NUP93: variants seen among roughly 807,000 people sequenced by gnomAD.
NUP93 encodes the protein nuclear pore complex protein Nup93.
NUP93 carries 55 observed loss-of-function variants against 107.8 expected under a neutral mutation model. The ratio of observed to expected loss-of-function variants is 0.51; its 90% CI spans 0.41 to 0.64. NUP93 has a LOEUF of 0.64. Ranked by LOEUF, NUP93 falls within the 30% of genes least tolerant of loss-of-function variation. NUP93 has a pLI of 0.00. For missense variants in NUP93, 937 were observed against 1,044.7 expected (o/e 0.90, Z 1.42); for synonymous variants, 390 against 397.5 (o/e 0.98, Z 0.22).
intron 4 of NUP93, among the ~76,000 whole-genome samples, chr16:56,802,956 T>C (rs181258604): frequency 6.6e-6 from 1 of 152,294 alleles, no homozygotes; most frequent in East Asian, 1.9e-4. Flanking sequence ...ATCTTCCTTC[T>C]TCCCTCTCCC....
In NUP93 at chr16:56,818,695, G is replaced by A. The variant is rs1346927535; in HGVS notation, c.521G>A (p.Gly174Asp). Residue 174 changes from glycine to aspartate, a missense_variant, in exon 6 of 22, where the codon GGT becomes GAT. Transcript: ENST00000308159. ...TACATCAGTGATGTGGGACCCCCTG[G>A]TCGAAGCTCTCTGGATAACATCGAG... is the stretch of plus-strand genomic sequence containing the variant. ...PSYISDVGPP[G>D]RSSLDNIEMA... 1 of 1,614,156 alleles carries A rather than the reference G, an allele frequency of 6.2e-7. No homozygotes were observed. Among genetic ancestry groups the A allele is most frequent in the South Asian group, 1.1e-5 (1 of 91,084 alleles).
chr16:56,834,391 A>G lies in NUP93; in HGVS notation c.1686A>G (p.Gly562=). The change falls in exon 15 of 22, where the codon GGA becomes GGG. Residue 562 remains glycine (G), a synonymous_variant. Coordinates refer to ENST00000308159, the MANE Select transcript of NUP93 (RefSeq NM_014669.5). ...YFLRDEKDSQ[G]ENMFLRCVSE... ...ACAGGGATGAGAAAGATAGTCAAGG[A>G]GAAAACATGTTTCTGCGCTGTGTGA... The G allele has an allele frequency of 6.2e-7, 1 of 1,614,250 alleles. No homozygotes were observed. Among genetic ancestry groups the G allele is most frequent in the South Asian group, 1.1e-5 (1 of 91,088 alleles).
chr16:56,822,115 A>G (rs1032694674), intron 7 of NUP93, among the ~76,000 whole-genome samples: 2 of 150,942 alleles, frequency 1.3e-5, no homozygotes, highest in East Asian at 1.9e-4. Flanking sequence ...AAAAAAAAAA[A>G]AGGGGGATGG....
At chr16:56,744,296 C>G (rs191947235) in intron 1 of NUP93, among the ~76,000 whole-genome samples, 6 of 152,234 alleles carry the variant, frequency 3.9e-5, no homozygotes, top group Admixed American at 3.9e-4. Context: ...TTTTTAGTCT[C>G]TTGGGTCAAA....
Position 56,823,752 on chromosome 16 carries a change from T to G in NUP93, c.700T>G (p.Leu234Val), listed in dbSNP as rs547795592. Reference sequence around the variant, plus strand: ...CATGGTAAAACAAATGACAGACGTGTTGTTGACACCGGCAACGGATGCCCT... The same window carrying G: ...CATGGTAAAACAAATGACAGACGTGGTGTTGACACCGGCAACGGATGCCCT... ...WTMVKQMTDVLLTPATDALKN... is the reference protein window; with the variant it reads ...WTMVKQMTDVVLTPATDALKN... The change falls in exon 8 of 22, where the codon TTG becomes GTG. Residue 234 changes from leucine (L) to valine (V), a missense_variant. Leu to Val is a conservative substitution (Grantham distance 32). Coordinates refer to ENST00000308159, the MANE Select transcript of NUP93 (RefSeq NM_014669.5). The G allele has an allele frequency of 2.8e-5, 46 of 1,614,206 alleles. No individual in the cohort carries two copies. In the South Asian group the frequency reaches 4.6e-4, roughly 16 times the overall value.
At chr16:56,762,169 T>C (rs79835192) in intron 3 of NUP93, among the ~76,000 whole-genome samples, 1,945 of 152,278 alleles carry the variant, frequency 0.013, 38 homozygotes, top group African/African-American at 0.045. Context: ...CTTCTGTCTT[T>C]GGAGAAAAAA....
intron 3 of NUP93, among the ~76,000 whole-genome samples, chr16:56,766,471 G>T (rs555913995): frequency 6.6e-6 from 1 of 152,172 alleles, no homozygotes; most frequent in Non-Finnish European, 1.5e-5. Context: ...TAAATTGCTC[G>T]GTTGCAGGAA....
At chr16:56,788,751 G>T (rs1015997220) in intron 3 of NUP93, among the ~76,000 whole-genome samples, 2 of 152,204 alleles carry the variant, frequency 1.3e-5, no homozygotes, top group South Asian at 2.1e-4. Flanking sequence ...CAACAGATGC[G>T]CTAAGCAGCC....
Position 56,837,676 on chromosome 16 carries a change from G to T in NUP93, c.1968G>T (p.Pro656=), listed in dbSNP as rs181881269. The T allele has an allele frequency of 3.7e-6, 6 of 1,614,074 alleles. No homozygotes were observed. The highest frequency in any genetic ancestry group is 5.1e-6 in the Non-Finnish European group (6 of 1,179,978). Residue 656 remains proline, a synonymous_variant, in exon 18 of 22, where the codon CCG becomes CCT. Transcript: ENST00000308159. ...CTGTCGTCCCCCAGATCAGTGCCCCGCAATCCAACAAGGAGAGGCTGAAGA... is the reference window on the plus strand; with the variant it reads ...CTGTCGTCCCCCAGATCAGTGCCCCTCAATCCAACAAGGAGAGGCTGAAGA... ...LSPVVPQISA[P]QSNKERLKNM... is the part of the protein sequence containing the mutation.
rs1964136632 is a variant in NUP93 at position 56,848,105 on chromosome 16, C to A, written c.*3496C>A. ...AGACTGGATCTCTACTATCCTTTTT[C>A]TCTACTAGGCACCAGAACCTTTGTC... On this transcript the variant is annotated 3_prime_UTR_variant, in exon 22 of 22. Coordinates refer to ENST00000308159, the MANE Select transcript of NUP93 (RefSeq NM_014669.5). 6.6e-6 allele frequency: 1 copy of A among 152,228 alleles called. No homozygotes were observed. Among genetic ancestry groups the A allele is most frequent in the Non-Finnish European group, 1.5e-5 (1 of 68,058 alleles). The allele number at this position is 152,228 out of a possible 1,614,324, so 9.4% of individuals were successfully genotyped here.
chr16:56,798,141 T>C (rs1210183861), intron 3 of NUP93, among the ~76,000 whole-genome samples: 1 of 152,220 alleles, frequency 6.6e-6, no homozygotes, highest in African/African-American at 2.4e-5. Flanking sequence ...GAACTGTGAC[T>C]AGCTCCATCA....
chr16:56,772,874 A>G (rs571422887), intron 3 of NUP93, among the ~76,000 whole-genome samples: 1 of 152,186 alleles, frequency 6.6e-6, no homozygotes, highest in East Asian at 1.9e-4. Context: ...TTTCTGTTAC[A>G]GTACTGTGAT....
At chr16:56,829,743 G>A (rs918854014) in intron 9 of NUP93, among the ~76,000 whole-genome samples, 2 of 152,224 alleles carry the variant, frequency 1.3e-5, no homozygotes, top group Non-Finnish European at 2.9e-5. Flanking sequence ...AGTAGGGCTT[G>A]GCAAGCTTGG....
intron 3 of NUP93, among the ~76,000 whole-genome samples, chr16:56,794,066 ATAGATAGG>A (rs1431858839): frequency 4.7e-4 from 47 of 100,936 alleles, no homozygotes; most frequent in Middle Eastern, 5.1e-3. Flanking sequence ...AGATAGATAG[ATAGATAGG>A]TAGGTAGGTA....
chr16:56,797,646 A>T (rs1282655382), intron 3 of NUP93, among the ~76,000 whole-genome samples: 2 of 152,220 alleles, frequency 1.3e-5, no homozygotes, highest in East Asian at 1.9e-4. Context: ...TCACCAACAG[A>T]TCTAAATCTA....
intron 3 of NUP93, among the ~76,000 whole-genome samples, chr16:56,784,257 T>G (rs1962578168): frequency 6.6e-6 from 1 of 152,218 alleles, no homozygotes; most frequent in African/African-American, 2.4e-5. Context: ...CTGAAAAGAA[T>G]GGCTGGATTT....
chr16:56,769,893 A>T (rs1798294828), intron 3 of NUP93, among the ~76,000 whole-genome samples: 1 of 152,200 alleles, frequency 6.6e-6, no homozygotes, highest in South Asian at 2.1e-4. Context: ...GGAATGTTGA[A>T]ATCTTGTATT....
intron 18 of NUP93, among the ~76,000 whole-genome samples, chr16:56,838,249 A>G (rs1409066314): frequency 1.3e-5 from 2 of 152,224 alleles, no homozygotes; most frequent in Non-Finnish European, 2.9e-5. Context: ...GACCCAGAGA[A>G]AACTGGGTTT....
intron 3 of NUP93, among the ~76,000 whole-genome samples, chr16:56,783,152 A>G (rs954922629): frequency 5.3e-5 from 8 of 152,332 alleles, no homozygotes; most frequent in African/African-American, 1.9e-4. Flanking sequence ...ACAAAATATG[A>G]TGATGCATAT....
Sources: gnomAD v4.1 joint callset for allele counts (sites outside exome capture counted in the v4.1 genomes callset) on GRCh38, gnomAD v4.1.1 for gene constraint, MANE v1.5 for transcripts, NCBI Gene and HGNC (gene_info 2026-07-23, HGNC 2026-07-21) for gene names.